The following RBFOX1 variants were observed in gnomAD, a reference collection of about 807,000 sequenced individuals.
RBFOX1 encodes RNA binding fox-1 homolog 1.
A neutral mutation model predicts 57.7 loss-of-function variants in RBFOX1; 8 were observed. That is an observed-to-expected ratio of 0.14 (90% confidence interval 0.08 to 0.25). The LOEUF (loss-of-function observed/expected upper bound fraction) is 0.25. Ranked by LOEUF, RBFOX1 falls within the 10% of genes least tolerant of loss-of-function variation. The pLI is 1.00. For missense variants in RBFOX1, 611 were observed against 548.5 expected (o/e 1.11, Z -1.14); for synonymous variants, 326 against 222.4 (o/e 1.47, Z -4.15).
intron 2 of RBFOX1, among the ~76,000 whole-genome samples, chr16:5,537,674 T>C (rs913532213): frequency 1.3e-5 from 2 of 152,238 alleles, no homozygotes; most frequent in African/African-American, 4.8e-5. Context: ...CCTGCCTCCA[T>C]CTTCAAAGCC....
chr16:6,657,152 C>A (rs1176743643), intron 3 of RBFOX1, among the ~76,000 whole-genome samples: 1 of 149,526 alleles, frequency 6.7e-6, no homozygotes, highest in African/African-American at 2.5e-5. Flanking sequence ...CCTCTTCTCT[C>A]CTCTTTTCCT....
At chr16:6,739,417 A>G (rs78892474) in intron 3 of RBFOX1, among the ~76,000 whole-genome samples, 37,279 of 151,976 alleles carry the variant, frequency 0.25, 5,109 homozygotes, top group Non-Finnish European at 0.32. Flanking sequence ...CCCAATATGC[A>G]ATAGATAATT....
chr16:7,401,642 C>A (rs1035935654), intron 4 of RBFOX1, among the ~76,000 whole-genome samples: 5 of 152,144 alleles, frequency 3.3e-5, no homozygotes, highest in African/African-American at 4.8e-5. Context: ...TTCTTTGAAC[C>A]CACTTTTCAT....
At chr16:7,161,611 C>T (rs1050759510) in intron 4 of RBFOX1, among the ~76,000 whole-genome samples, 2 of 152,092 alleles carry the variant, frequency 1.3e-5, no homozygotes, top group South Asian at 2.1e-4. Context: ...GTTTGAATCT[C>T]GGCTAAGTAA....
chr16:7,345,115 A>C (rs1030982188), intron 4 of RBFOX1, among the ~76,000 whole-genome samples: 1 of 152,164 alleles, frequency 6.6e-6, no homozygotes, highest in African/African-American at 2.4e-5. Context: ...ATCAGTGTTG[A>C]AACCTGGAAA....
intron 2 of RBFOX1, among the ~76,000 whole-genome samples, chr16:6,446,646 T>C (rs1238132375): frequency 6.6e-6 from 1 of 152,156 alleles, no homozygotes; most frequent in Non-Finnish European, 1.5e-5. Context: ...ATCTGTAAAA[T>C]GGGAATAAGA....
intron 3 of RBFOX1, among the ~76,000 whole-genome samples, chr16:6,972,186 G>C (rs538124812): frequency 2.7e-5 from 4 of 149,162 alleles, no homozygotes; most frequent in Admixed American, 6.7e-5. Context: ...TTGTGATAGA[G>C]ATCACGAAAG....
chr16:6,604,841 A>G (rs1373809990), intron 2 of RBFOX1, among the ~76,000 whole-genome samples: 1 of 152,136 alleles, frequency 6.6e-6, no homozygotes, highest in African/African-American at 2.4e-5. Flanking sequence ...ATGACTTCAT[A>G]AAAAGTAAAT....
chr16:5,820,589 G>A (rs931148774), intron 3 of RBFOX1, among the ~76,000 whole-genome samples: 6 of 152,110 alleles, frequency 3.9e-5, no homozygotes, highest in Admixed American at 6.5e-5. Context: ...TTTGCTTGGC[G>A]GTTGTCAGAG....
intron 9 of RBFOX1, among the ~76,000 whole-genome samples, chr16:7,600,898 G>A (rs991504997): frequency 6.6e-6 from 1 of 152,206 alleles, no homozygotes; most frequent in Non-Finnish European, 1.5e-5. Flanking sequence ...TGAGCCGTAG[G>A]CTTCTGGACA....
chr16:6,895,660 G>T (rs55916252), intron 3 of RBFOX1, among the ~76,000 whole-genome samples: 1 of 151,492 alleles, frequency 6.6e-6, no homozygotes, highest in South Asian at 2.1e-4. Flanking sequence ...ATGTTTTGTG[G>T]AAAGGAGGCA....
At chr16:6,576,162 C>T (rs915052998) in intron 2 of RBFOX1, among the ~76,000 whole-genome samples, 3 of 152,048 alleles carry the variant, frequency 2.0e-5, no homozygotes, top group Admixed American at 1.3e-4. Context: ...CGTGAGTATT[C>T]ATTCTTTCAT....
At chr16:6,252,380 G>A (rs1369471195) in intron 1 of RBFOX1, among the ~76,000 whole-genome samples, 3 of 152,136 alleles carry the variant, frequency 2.0e-5, no homozygotes, top group Non-Finnish European at 2.9e-5. Context: ...TAATTATCAT[G>A]TGCAGAAAAT....
In RBFOX1 at chr16:6,777,788, G is replaced by C. The variant is rs552316156; in HGVS notation, c.-16+123138G>C. Among the ~76,000 whole-genome samples, 5 of 152,194 alleles carry C rather than the reference G, an allele frequency of 3.3e-5. No individual in the cohort carries two copies. In the East Asian group the frequency reaches 9.7e-4, roughly 30 times the overall value. On this transcript the variant is annotated intron_variant, in intron 3 of 15. Transcript: ENST00000550418. ...AATATGATGAGAAAACACAAGGGGA[G>C]GTTTGTGTTTTGCACCTTGTCATCA...
intron 5 of RBFOX1, among the ~76,000 whole-genome samples, chr16:7,568,628 G>A (rs2092397108): frequency 6.6e-6 from 1 of 152,116 alleles, no homozygotes; most frequent in African/African-American, 2.4e-5. Context: ...GCTCATGCCT[G>A]TAATCCCAGC....
At chr16:7,539,470 G>A (rs183617420) in intron 5 of RBFOX1, among the ~76,000 whole-genome samples, 16 of 152,284 alleles carry the variant, frequency 1.1e-4, no homozygotes, top group Non-Finnish European at 1.9e-4. Flanking sequence ...TATAAAGAGC[G>A]TATTTTTGCA....
intron 3 of RBFOX1, among the ~76,000 whole-genome samples, chr16:6,780,433 T>TATATATTTAG (rs1567217346): frequency 1.9e-5 from 2 of 105,630 alleles, no homozygotes; most frequent in East Asian, 6.2e-4. Flanking sequence ...TATATATTTA[T>TATATATTTAG]AGATATATTT....
intron 5 of RBFOX1, among the ~76,000 whole-genome samples, chr16:7,539,275 C>A (rs981725830): frequency 7.9e-5 from 12 of 152,128 alleles, no homozygotes; most frequent in African/African-American, 2.2e-4. Context: ...GAGGAAGGGT[C>A]GGTTAAGCTG....
intron 4 of RBFOX1, among the ~76,000 whole-genome samples, chr16:7,056,473 A>T (rs1484512191): frequency 6.6e-6 from 1 of 152,208 alleles, no homozygotes; most frequent in African/African-American, 2.4e-5. Flanking sequence ...TTGTTCTAGC[A>T]TCAGCACAGG....
Sources: allele counts gnomAD v4.1 joint callset (sites outside exome capture counted in the v4.1 genomes callset), GRCh38; gene constraint gnomAD v4.1.1; transcripts MANE v1.5; gene names NCBI Gene and HGNC (gene_info 2026-07-23, HGNC 2026-07-21).